PDZRN4: variants seen among roughly 807,000 people sequenced by gnomAD.
PDZRN4 encodes PDZ domain-containing RING finger protein 4.
Under a neutral mutation model 99.0 loss-of-function variants are expected in PDZRN4, and 70 were observed. The ratio of observed to expected loss-of-function variants is 0.71; its 90% CI spans 0.58 to 0.86. The LOEUF (loss-of-function observed/expected upper bound fraction) is 0.86. PDZRN4 is among the 40% of genes least tolerant of loss of function. PDZRN4 has a pLI of 0.00. For missense variants in PDZRN4, 1,474 were observed against 1,331.2 expected (o/e 1.11, Z -1.67); for synonymous variants, 551 against 501.6 (o/e 1.10, Z -1.32).
At chr12:41,423,132 T>A (rs1345162617) in intron 3 of PDZRN4, among the ~76,000 whole-genome samples, 3 of 151,876 alleles carry the variant, frequency 2.0e-5, no homozygotes, top group African/African-American at 7.3e-5. Context: ...AGATAAATCT[T>A]TTTTTATTTG....
intron 3 of PDZRN4, among the ~76,000 whole-genome samples, chr12:41,320,305 A>G (rs927074695): frequency 3.3e-5 from 5 of 152,194 alleles, no homozygotes; most frequent in African/African-American, 9.6e-5. Flanking sequence ...CCCGGGAGCA[A>G]TATTAGATCC....
chr12:41,311,941 T>A (rs1951609632), intron 3 of PDZRN4, among the ~76,000 whole-genome samples: 1 of 152,188 alleles, frequency 6.6e-6, no homozygotes, highest in African/African-American at 2.4e-5. Flanking sequence ...AAAAAACTTT[T>A]TTCTTTTTCA....
At chr12:41,383,890 A>G (rs1163871486) in intron 3 of PDZRN4, among the ~76,000 whole-genome samples, 2 of 149,940 alleles carry the variant, frequency 1.3e-5, no homozygotes, top group African/African-American at 4.9e-5. Flanking sequence ...ACCTCCTTGG[A>G]GGCTCCTGTA....
intron 3 of PDZRN4, among the ~76,000 whole-genome samples, chr12:41,212,437 G>T (rs985539865): frequency 9.2e-5 from 14 of 151,934 alleles, no homozygotes; most frequent in African/African-American, 2.7e-4. Flanking sequence ...ATATGGAAAA[G>T]TTGACAGCCC....
chr12:41,307,619 T>C (rs1006633019), intron 3 of PDZRN4, among the ~76,000 whole-genome samples: 1 of 152,098 alleles, frequency 6.6e-6, no homozygotes, highest in African/African-American at 2.4e-5. Context: ...GATTTTTTTT[T>C]TTTTTTTGGT....
At chr12:41,386,299 G>C (rs1256412038) in intron 3 of PDZRN4, among the ~76,000 whole-genome samples, 1 of 152,158 alleles carries the variant, frequency 6.6e-6, no homozygotes, top group Non-Finnish European at 1.5e-5. Context: ...ACATAGTACT[G>C]GAAGTCCTGG....
chr12:41,328,000 C>T lies in PDZRN4; in HGVS notation c.843+133812C>T, dbSNP rs147997525. Among the ~76,000 whole-genome samples, 134 of 152,056 alleles carry T rather than the reference C, an allele frequency of 8.8e-4. No individual in the cohort carries two copies. In the East Asian group the frequency reaches 0.024, roughly 27 times the overall value. On this transcript the variant is annotated intron_variant, in intron 3 of 9. Transcript: ENST00000402685. ...GACATGGCTGATATTAGCAAAACTA[C>T]ACTAATGAAGTCAAATATGAAAAAA... is the stretch of plus-strand genomic sequence containing the variant.
intron 3 of PDZRN4, among the ~76,000 whole-genome samples, chr12:41,320,248 T>C (rs1372719357): frequency 6.6e-6 from 1 of 152,214 alleles, no homozygotes. Flanking sequence ...GAGAATGCTA[T>C]TGGACTCACA....
intron 3 of PDZRN4, among the ~76,000 whole-genome samples, chr12:41,405,894 C>T (rs1235215700): frequency 6.6e-6 from 1 of 151,070 alleles, no homozygotes; most frequent in African/African-American, 2.4e-5. Flanking sequence ...GGGAACTAAA[C>T]ATTGAACACA....
chr12:41,217,959 G>A (rs1033600039), intron 3 of PDZRN4, among the ~76,000 whole-genome samples: 3 of 152,008 alleles, frequency 2.0e-5, no homozygotes, highest in Non-Finnish European at 2.9e-5. Context: ...AAATGGAAAA[G>A]GACTTGGAAT....
chr12:41,493,164 A>G (rs1392269152), intron 3 of PDZRN4, among the ~76,000 whole-genome samples: 1 of 152,208 alleles, frequency 6.6e-6, no homozygotes, highest in Non-Finnish European at 1.5e-5. Context: ...AACTGAAGTT[A>G]TCTCTGCAGT....
At chr12:41,512,081 C>G (rs1231229420) in intron 5 of PDZRN4, among the ~76,000 whole-genome samples, 1 of 152,042 alleles carries the variant, frequency 6.6e-6, no homozygotes, top group South Asian at 2.1e-4. Context: ...GACTTCAGCT[C>G]AGAAAGAGAT....
At chr12:41,370,637 A>C (rs1173951370) in intron 3 of PDZRN4, among the ~76,000 whole-genome samples, 1 of 151,962 alleles carries the variant, frequency 6.6e-6, no homozygotes, top group Non-Finnish European at 1.5e-5. Flanking sequence ...CATAGCTGTT[A>C]TCATTCTCCT....
Position 41,188,626 on chromosome 12 carries a change from G to T in PDZRN4, c.171G>T (p.Gln57His), listed in dbSNP as rs1950710157. 1.9e-6 allele frequency: 3 copies of T among 1,539,514 alleles called. No individual in the cohort carries two copies. In the Admixed American group the frequency reaches 5.8e-5, roughly 30 times the overall value. ...GGCGCCGGTGCCCGCTGCAGTGCCA[G>T]CCCTTGGCGCCCGGCGAGCTGTACC... Reference protein sequence around the residue: ...VRRRRCPLQCQPLAPGELYRV... With the variant: ...VRRRRCPLQCHPLAPGELYRV... The change falls in exon 1 of 10, where the codon CAG (glutamine) becomes CAT (histidine). Residue 57 changes from glutamine (Q) to histidine (H), a missense_variant. By Grantham distance (24) the Gln-to-His change is conservative (BLOSUM62 0). Transcript: ENST00000402685.
chr12:41,253,095 T>A (rs1010337654), intron 3 of PDZRN4, among the ~76,000 whole-genome samples: 1 of 152,166 alleles, frequency 6.6e-6, no homozygotes. Flanking sequence ...GAGATAAAAC[T>A]GTAGAAATCC....
In PDZRN4 at chr12:41,454,756, A is replaced by C. The variant is rs545043085; in HGVS notation, c.844-51700A>C. On this transcript the variant is annotated intron_variant, in intron 3 of 9. Coordinates refer to ENST00000402685, the MANE Select transcript of PDZRN4 (RefSeq NM_001164595.2). ...ATATTAGTGATCATGTGCTATACAA[A>C]TACTTGACCAACTGTGGGACAAATG... 2.6e-5 allele frequency among the ~76,000 whole-genome samples: 4 copies of C among 152,376 alleles called. No homozygotes were observed. The East Asian group carries it at 7.7e-4, about 29-fold the overall frequency.
chr12:41,495,814 C>T (rs1937989302), intron 3 of PDZRN4, among the ~76,000 whole-genome samples: 1 of 152,092 alleles, frequency 6.6e-6, no homozygotes, highest in Admixed American at 6.6e-5. Context: ...AGGACTTACT[C>T]TTTCATGCCT....
chr12:41,540,096 T>C (rs1172630117), intron 5 of PDZRN4, among the ~76,000 whole-genome samples: 1 of 152,210 alleles, frequency 6.6e-6, no homozygotes, highest in Non-Finnish European at 1.5e-5. Flanking sequence ...TTTAATGCTT[T>C]GGAATTATGA....
At chr12:41,526,540 G>A (rs1007924323) in intron 5 of PDZRN4, among the ~76,000 whole-genome samples, 3 of 152,140 alleles carry the variant, frequency 2.0e-5, no homozygotes, top group Non-Finnish European at 2.9e-5. Flanking sequence ...GGAGCATAAG[G>A]AAAGTCCTGA....
Sources: allele counts gnomAD v4.1 joint callset (sites outside exome capture counted in the v4.1 genomes callset), GRCh38; gene constraint gnomAD v4.1.1; transcripts MANE v1.5; gene names NCBI Gene and HGNC (gene_info 2026-07-23, HGNC 2026-07-21).